The following CRYZL1 variants were observed in gnomAD, a reference collection of about 807,000 sequenced individuals.
CRYZL1 encodes the protein ferry endosomal RAB5 effector complex subunit 4.
A neutral mutation model predicts 50.6 loss-of-function variants in CRYZL1; 34 were observed. The observed-to-expected ratio is 0.67, with a 90% CI of 0.51 to 0.89. The LOEUF (loss-of-function observed/expected upper bound fraction) is 0.89, where lower values mean the gene tolerates loss of function less well. CRYZL1 is among the 40% of genes least tolerant of loss of function. The pLI is 0.00. For synonymous variants in CRYZL1, 125 were observed against 134.3 expected (o/e 0.93, Z 0.48); for missense variants, 354 against 402.3 (o/e 0.88, Z 1.03).
chr21:33,617,817 C>T (rs749146159), intron 4 of CRYZL1, among the ~76,000 whole-genome samples: 5 of 152,100 alleles, frequency 3.3e-5, no homozygotes, highest in African/African-American at 7.2e-5. Flanking sequence ...CAGGGCGTGG[C>T]GCTGGGCTGT....
chr21:33,610,775 C>T (rs921998225), intron 6 of CRYZL1, among the ~76,000 whole-genome samples: 8 of 145,626 alleles, frequency 5.5e-5, no homozygotes, highest in Non-Finnish European at 1.0e-4. Context: ...ACTCTGTCAC[C>T]GAGGCTGGAG....
chr21:33,637,444 C>CAA (rs544640250), intron 1 of CRYZL1, among the ~76,000 whole-genome samples: 49 of 76,922 alleles, frequency 6.4e-4, no homozygotes, highest in African/African-American at 1.0e-3. Flanking sequence ...GACTCTGTCT[C>CAA]AAAAAAAAAA....
intron 11 of CRYZL1, among the ~76,000 whole-genome samples, chr21:33,592,773 TG>T (rs2086656191): frequency 6.6e-6 from 1 of 152,072 alleles, no homozygotes; most frequent in Non-Finnish European, 1.5e-5. Flanking sequence ...AAATTAGGGC[TG>T]GGTGCGGTGG....
intron 8 of CRYZL1, among the ~76,000 whole-genome samples, chr21:33,600,961 G>T (rs2086749419): frequency 1.7e-5 from 1 of 57,952 alleles, no homozygotes; most frequent in South Asian, 6.2e-4. Context: ...TTTGGGGGCG[G>T]ACTGTCGCTC....
intron 9 of CRYZL1, 53 bp downstream of exon 9, chr21:33,599,097 A>C: frequency 6.4e-7 from 1 of 1,553,482 alleles, no homozygotes; most frequent in Non-Finnish European, 8.7e-7. Flanking sequence ...TTTTTTCTTA[A>C]ATTCATCAAA....
rs2087210035 is a variant in CRYZL1, at chr21:33,636,666, G to C, written c.-7+5015C>G. Among the ~76,000 whole-genome samples the C allele has an allele frequency of 2.0e-5, 3 of 152,252 alleles. No homozygotes were observed. In the South Asian group the frequency reaches 6.2e-4, roughly 32 times the overall value. On this transcript the variant is annotated intron_variant, in intron 1 of 12. Coordinates refer to ENST00000381554, the MANE Select transcript of CRYZL1 (RefSeq NM_145858.3). ...AAACACTTGACTACAAACACTTCAA[G>C]AAAGTAGTTAATAAAAATACTGATC...
intron 2 of CRYZL1, 84 bp downstream of exon 2, chr21:33,631,402 C>T: frequency 2.1e-6 from 2 of 951,580 alleles, no homozygotes; most frequent in South Asian, 1.8e-5. Context: ...CATTAAGTCT[C>T]ACTGAAAATA....
intron 4 of CRYZL1, among the ~76,000 whole-genome samples, chr21:33,620,459 C>T (rs1005878327): frequency 6.6e-6 from 1 of 151,836 alleles, no homozygotes; most frequent in Non-Finnish European, 1.5e-5. Flanking sequence ...ATATTTACCA[C>T]TGTAATAAGC....
intron 1 of CRYZL1, among the ~76,000 whole-genome samples, chr21:33,632,280 C>T (rs1296417076): frequency 2.0e-5 from 3 of 151,780 alleles, no homozygotes; most frequent in South Asian, 4.2e-4. Flanking sequence ...TGCGGTGAGC[C>T]GAGATCGCGC....
chr21:33,611,260 G>C (rs897480372), intron 6 of CRYZL1, among the ~76,000 whole-genome samples: 1 of 152,140 alleles, frequency 6.6e-6, no homozygotes, highest in Non-Finnish European at 1.5e-5. Flanking sequence ...CTCTCACTGC[G>C]TGGTATTTGA....
intron 9 of CRYZL1, among the ~76,000 whole-genome samples, chr21:33,597,933 C>T (rs984066056): frequency 6.6e-6 from 1 of 152,144 alleles, no homozygotes; most frequent in Non-Finnish European, 1.5e-5. Context: ...TTTTAATGTA[C>T]AAATGAGGAA....
At chr21:33,622,216 C>A in intron 3 of CRYZL1, 148 bp from the exon 4 acceptor site, 1 of 640,224 alleles carries the variant, frequency 1.6e-6, no homozygotes, top group Admixed American at 3.0e-5. Context: ...AATAACTTCA[C>A]AAAATAGGTT....
intron 2 of CRYZL1, 48 bp from the exon 3 acceptor site, chr21:33,624,808 T>C: frequency 6.4e-7 from 1 of 1,570,964 alleles, no homozygotes; most frequent in Non-Finnish European, 8.6e-7. Context: ...CACATTCCTA[T>C]GAGAATATGT....
chr21:33,624,895 C>T, intron 2 of CRYZL1, 135 bp from the exon 3 acceptor site: 1 of 1,211,010 alleles, frequency 8.3e-7, no homozygotes, highest in Non-Finnish European at 1.1e-6. Flanking sequence ...ATTTTAACAA[C>T]TATAAGTAAT....
At chr21:33,634,077 C>G (rs981924201) in intron 1 of CRYZL1, among the ~76,000 whole-genome samples, 1 of 152,142 alleles carries the variant, frequency 6.6e-6, no homozygotes, top group Non-Finnish European at 1.5e-5. Context: ...ATAGAAATTA[C>G]GTATGTAGCA....
At chr21:33,624,367 C>A (rs987669860) in intron 3 of CRYZL1, among the ~76,000 whole-genome samples, 1 of 152,016 alleles carries the variant, frequency 6.6e-6, no homozygotes, top group Non-Finnish European at 1.5e-5. Flanking sequence ...GCCAACATGG[C>A]AAAACCCATT....
intron 5 of CRYZL1, among the ~76,000 whole-genome samples, chr21:33,615,620 ACTGT>A (rs2086921529): frequency 6.6e-6 from 1 of 152,204 alleles, no homozygotes; most frequent in Non-Finnish European, 1.5e-5. Context: ...TGTTTGTGTG[ACTGT>A]CTAGGACACA....
Position 33,595,760 on chromosome 21 carries a change from A to G in CRYZL1, c.875T>C (p.Leu292Ser). The G allele has an allele frequency of 1.2e-6, 2 of 1,614,146 alleles. No homozygotes were observed. Among genetic ancestry groups the G allele is most frequent in the South Asian group, 2.2e-5 (2 of 91,086 alleles). ...LAFLNDEVWN[L>S]SNVQQGKYLC... ...ATATTTTCCCTGTTGTACATTTGAC[A>G]AATTCCAAACTTCATCATTCAGGAA... The change falls in exon 11 of 13, where the codon TTG (leucine) becomes TCG (serine). Residue 292 changes from leucine (L) to serine (S), a missense_variant. Physicochemically the swap from Leu to Ser is moderately radical, Grantham distance 145 (BLOSUM62 -2). Coordinates refer to ENST00000381554, the MANE Select transcript of CRYZL1 (RefSeq NM_145858.3).
At chr21:33,608,940 A>G (rs781425213) in intron 6 of CRYZL1, among the ~76,000 whole-genome samples, 21 of 152,202 alleles carry the variant, frequency 1.4e-4, no homozygotes, top group Non-Finnish European at 2.8e-4. Context: ...CACTTTCCAT[A>G]ATGACTGTAC....
Sources: gnomAD v4.1 joint callset for allele counts (sites outside exome capture counted in the v4.1 genomes callset) on GRCh38, gnomAD v4.1.1 for gene constraint, MANE v1.5 for transcripts, NCBI Gene and HGNC (gene_info 2026-07-23, HGNC 2026-07-21) for gene names.